PCDH9: variants seen among roughly 807,000 people sequenced by gnomAD.
PCDH9 encodes the protein protocadherin-9.
In PCDH9, 24 loss-of-function variants were observed where a neutral mutation model predicts 70.6. That is an observed-to-expected ratio of 0.34 (90% confidence interval 0.25 to 0.48). PCDH9 has a LOEUF of 0.48. Ranked by LOEUF, PCDH9 falls within the 20% of genes least tolerant of loss-of-function variation. The pLI is 0.99. For missense variants in PCDH9, 1,281 were observed against 1,503.6 expected (o/e 0.85, Z 2.45); for synonymous variants, 562 against 558.5 (o/e 1.01, Z -0.09).
intron 2 of PCDH9, among the ~76,000 whole-genome samples, chr13:67,021,713 C>G (rs1302045937): frequency 1.3e-5 from 2 of 152,018 alleles, no homozygotes; most frequent in Non-Finnish European, 2.9e-5. Flanking sequence ...GTGCACACAA[C>G]CACACCTGGC....
At chr13:66,478,288 C>A (rs1237031469) in intron 4 of PCDH9, among the ~76,000 whole-genome samples, 1 of 152,102 alleles carries the variant, frequency 6.6e-6, no homozygotes, top group Non-Finnish European at 1.5e-5. Flanking sequence ...TTTCCTTGGA[C>A]CCTCCTATTC....
chr13:66,896,504 A>T (rs1038722344), intron 3 of PCDH9, among the ~76,000 whole-genome samples: 1 of 152,182 alleles, frequency 6.6e-6, no homozygotes, highest in Non-Finnish European at 1.5e-5. Context: ...ATTTACATAC[A>T]TATGCAACCA....
In PCDH9 at chr13:66,408,680, C is replaced by T. The variant is rs540205786; in HGVS notation, c.3341-103652G>A. Among the ~76,000 whole-genome samples, 11 of 152,174 alleles carry T rather than the reference C, an allele frequency of 7.2e-5. 1 individual carries two copies. The South Asian group carries it at 2.3e-3, about 32-fold the overall frequency. On this transcript the variant is annotated intron_variant, in intron 4 of 4. Transcript: ENST00000377865. ...GCACATATTTTTCTCTTCTTCCTAT[C>T]CCACACTGCTTTACCCCACTCTCTC... is the stretch of plus-strand genomic sequence containing the variant.
At chr13:66,380,536 C>CTTTTT (rs59830525) in intron 4 of PCDH9, among the ~76,000 whole-genome samples, 3 of 53,358 alleles carry the variant, frequency 5.6e-5, no homozygotes, top group Admixed American at 3.0e-4. Context: ...AGATCTTGTC[C>CTTTTT]TTTTTTTTTT....
chr13:67,092,745 T>C (rs1308808616), intron 2 of PCDH9, among the ~76,000 whole-genome samples: 3 of 152,234 alleles, frequency 2.0e-5, no homozygotes, highest in African/African-American at 7.2e-5. Flanking sequence ...CAATGAGAAA[T>C]ATCCTAGGAA....
At chr13:66,360,697 T>G (rs946431314) in intron 4 of PCDH9, among the ~76,000 whole-genome samples, 2 of 152,112 alleles carry the variant, frequency 1.3e-5, no homozygotes, top group African/African-American at 4.8e-5. Context: ...CACTGGAAAT[T>G]GACACAATTC....
At chr13:66,490,946 G>T (rs1296279984) in intron 4 of PCDH9, among the ~76,000 whole-genome samples, 1 of 152,144 alleles carries the variant, frequency 6.6e-6, no homozygotes, top group Non-Finnish European at 1.5e-5. Context: ...GAGAATGACA[G>T]CTTGTCTTAA....
intron 3 of PCDH9, among the ~76,000 whole-genome samples, chr13:66,824,690 A>ATG (rs2080783142): frequency 1.5e-5 from 2 of 134,564 alleles, no homozygotes; most frequent in African/African-American, 5.8e-5. Flanking sequence ...ATATATATAT[A>ATG]TATATATGCA....
In PCDH9 at chr13:67,227,086, G is replaced by T. The variant is rs774953649; in HGVS notation, c.1355C>A (p.Thr452Asn). 1.2e-6 allele frequency: 2 copies of T among 1,614,124 alleles called. No individual in the cohort carries two copies. The highest frequency in any genetic ancestry group is 4.5e-5 in the East Asian group (2 of 44,878). The change falls in exon 2 of 5, where the codon ACT becomes AAT. Residue 452 changes from threonine (T) to asparagine (N), a missense_variant. By Grantham distance (65) the Thr-to-Asn change is moderately conservative (BLOSUM62 0). Around this residue, in one of 4 missense-constraint regions of PCDH9, gnomAD observed 798 missense variants for 1,003.1 expected, o/e 0.80. Coordinates refer to ENST00000377865, the MANE Select transcript of PCDH9 (RefSeq NM_203487.3). The surrounding 1 kb of genome is among the most constrained non-coding windows in gnomAD (Gnocchi z 4.6). ...SDSGKPSLNQ[T>N]ALVRVKLEDE... ...CTCAAGCTTAACCCTTACCAGGGCAGTCTGATTTAAACTGGGCTTCCCAGA... is the reference window on the plus strand; with the variant it reads ...CTCAAGCTTAACCCTTACCAGGGCATTCTGATTTAAACTGGGCTTCCCAGA...
At position 67,228,244 on chromosome 13, in the gene PCDH9, A is replaced by T; in HGVS notation, c.197T>A (p.Leu66Gln). ...TGTSASLVYR[L>Q]VSKAGDAPLV... ...AGGGGCATCCCCAGCTTTAGAAACCAGTCTGTAGACAAGGCTGGCGCTGGT... is the reference window on the plus strand; with the variant it reads ...AGGGGCATCCCCAGCTTTAGAAACCTGTCTGTAGACAAGGCTGGCGCTGGT... The change falls in exon 2 of 5, where the codon CTG (leucine) becomes CAG (glutamine). Residue 66 changes from leucine to glutamine, a missense_variant. Leu to Gln is a moderately radical substitution (Grantham distance 113). This residue lies in a region of PCDH9 where 798 missense variants were observed against 1,003.1 expected (regional missense o/e 0.80). Coordinates refer to ENST00000377865, the MANE Select transcript of PCDH9 (RefSeq NM_203487.3). 1.9e-6 allele frequency: 3 copies of T among 1,612,878 alleles called. No homozygotes were observed. The highest frequency in any genetic ancestry group is 2.5e-6 in the Non-Finnish European group (3 of 1,179,466).
intron 2 of PCDH9, among the ~76,000 whole-genome samples, chr13:66,928,181 T>C (rs950475801): frequency 6.6e-6 from 1 of 152,090 alleles, no homozygotes; most frequent in Non-Finnish European, 1.5e-5. Flanking sequence ...AGATCAGCTA[T>C]TGGGGTCTCA....
intron 2 of PCDH9, among the ~76,000 whole-genome samples, chr13:66,916,045 G>C (rs979887938): frequency 2.0e-5 from 3 of 151,516 alleles, no homozygotes; most frequent in African/African-American, 4.8e-5. Context: ...CTCTGTTATA[G>C]ATGAGGAAAT....
chr13:67,179,473 T>C (rs532480872), intron 2 of PCDH9, among the ~76,000 whole-genome samples: 6 of 152,254 alleles, frequency 3.9e-5, no homozygotes, highest in Admixed American at 1.3e-4. Flanking sequence ...AACTGCTCAA[T>C]GACTATGAAG....
intron 3 of PCDH9, among the ~76,000 whole-genome samples, chr13:66,700,932 A>G (rs868794441): frequency 0.14 from 9,753 of 71,896 alleles, 1,034 homozygotes; most frequent in East Asian, 0.24. Flanking sequence ...AAATATATAT[A>G]TATATATATA....
intron 4 of PCDH9, among the ~76,000 whole-genome samples, chr13:66,395,398 C>T (rs1957085352): frequency 6.6e-6 from 1 of 151,878 alleles, no homozygotes; most frequent in Admixed American, 6.6e-5. Context: ...GTCAGGAGTT[C>T]GAGACCAGCC....
chr13:66,583,408 T>C (rs2076920318), intron 4 of PCDH9, among the ~76,000 whole-genome samples: 1 of 151,878 alleles, frequency 6.6e-6, no homozygotes, highest in Non-Finnish European at 1.5e-5. Context: ...GTCAGGAGAT[T>C]GAGATCATCC....
At chr13:66,827,827 G>C (rs114717163) in intron 3 of PCDH9, among the ~76,000 whole-genome samples, 12 of 152,216 alleles carry the variant, frequency 7.9e-5, no homozygotes, top group African/African-American at 2.9e-4. Flanking sequence ...CCAGGGACAA[G>C]GAGGATGATA....
intron 4 of PCDH9, among the ~76,000 whole-genome samples, chr13:66,560,133 G>A (rs901736228): frequency 3.9e-5 from 6 of 151,982 alleles, no homozygotes; most frequent in Admixed American, 1.3e-4. Context: ...CCTTCAACCC[G>A]AACACTTCCT....
chr13:66,861,034 G>A (rs2139479532), intron 3 of PCDH9, among the ~76,000 whole-genome samples: 1 of 152,258 alleles, frequency 6.6e-6, no homozygotes, highest in Admixed American at 6.5e-5. Flanking sequence ...TGGCATCCCA[G>A]CTGGGAAAAG....
Sources: gnomAD v4.1 joint callset for allele counts (sites outside exome capture counted in the v4.1 genomes callset) on GRCh38, gnomAD v4.1.1 for gene constraint, gnomAD v4.1.1 regional missense constraint, Gnocchi (gnomAD v3.1) non-coding constraint, MANE v1.5 for transcripts, NCBI Gene and HGNC (gene_info 2026-07-23, HGNC 2026-07-21) for gene names.